The following AGAP1 variants were observed in gnomAD, a reference collection of about 807,000 sequenced individuals.
The protein encoded by AGAP1 is ArfGAP with GTPase domain, ankyrin repeat and PH domain 1.
In AGAP1, 29 loss-of-function variants were observed where a neutral mutation model predicts 105.3. The ratio of observed to expected loss-of-function variants is 0.28; its 90% CI spans 0.21 to 0.38. The LOEUF is 0.38. Ranked by LOEUF, AGAP1 falls within the 10% of genes least tolerant of loss-of-function variation. AGAP1 has a pLI of 1.00. For missense variants in AGAP1, 998 were observed against 1,165.1 expected, an observed-to-expected ratio of 0.86 and a Z score of 2.09; for synonymous variants, 509 against 485.9, an observed-to-expected ratio of 1.05 and a Z score of -0.63.
intron 1 of AGAP1, among the ~76,000 whole-genome samples, chr2:235,575,547 A>G (rs1043153166): frequency 6.6e-6 from 1 of 152,004 alleles, no homozygotes; most frequent in Admixed American, 6.5e-5. Context: ...ATCTTCAGAT[A>G]CCCGTTTGTC....
rs1268016488 is a variant in AGAP1 at position 236,095,077 on chromosome 2, TG to T, written c.2115-25114del. Among the ~76,000 whole-genome samples the T allele has an allele frequency of 6.7e-6, 1 of 150,058 alleles. No individual in the cohort carries two copies. Among genetic ancestry groups the T allele is most frequent in the Non-Finnish European group, 1.5e-5 (1 of 67,742 alleles). ...TCAAGCCATTGTACTTTAGCCTTGG[TG>T]AGAGTGAGACACTGTCTCAAAAAAG... On this transcript the variant is annotated intron_variant, in intron 16 of 17. Transcript: ENST00000304032. The surrounding 1 kb of genome is among the most constrained non-coding windows in gnomAD (Gnocchi z 4.1).
At chr2:235,536,544 C>CACACACACACAG (rs1308076113) in intron 1 of AGAP1, among the ~76,000 whole-genome samples, 73 of 147,516 alleles carry the variant, frequency 4.9e-4, no homozygotes, top group African/African-American at 1.8e-3. Flanking sequence ...CATACACATA[C>CACACACACACAG]AGCAGGACCC....
chr2:235,643,782 A>T (rs550354096), intron 1 of AGAP1, among the ~76,000 whole-genome samples: 2 of 152,232 alleles, frequency 1.3e-5, no homozygotes, highest in South Asian at 4.2e-4. Context: ...CACTGTTGAA[A>T]CATAGCTTAG....
At chr2:236,108,274 A>G (rs969741443) in intron 16 of AGAP1, among the ~76,000 whole-genome samples, 9 of 152,168 alleles carry the variant, frequency 5.9e-5, no homozygotes, top group Admixed American at 5.9e-4. Context: ...GTATTGTTCC[A>G]GCCCCCTCTT....
intron 9 of AGAP1, among the ~76,000 whole-genome samples, chr2:235,812,457 C>T (rs1027023436): frequency 3.3e-5 from 5 of 152,168 alleles, no homozygotes; most frequent in African/African-American, 7.2e-5. Context: ...TCCAGCCTGC[C>T]GCAGGCCACC....
intron 13 of AGAP1, among the ~76,000 whole-genome samples, chr2:236,029,537 C>T (rs1309514926): frequency 2.6e-5 from 4 of 151,970 alleles, no homozygotes; most frequent in East Asian, 1.9e-4. Context: ...CCACCTGCCT[C>T]GGCCTCCCAA....
At chr2:235,726,616 C>A (rs904029803) in intron 3 of AGAP1, among the ~76,000 whole-genome samples, 1 of 152,172 alleles carries the variant, frequency 6.6e-6, no homozygotes. Flanking sequence ...GCCTTGATCA[C>A]GCCATCTCTC....
chr2:235,966,376 C>G (rs867023676), intron 12 of AGAP1, among the ~76,000 whole-genome samples: 51 of 151,910 alleles, frequency 3.4e-4, no homozygotes, highest in African/African-American at 1.2e-3. Flanking sequence ...GGCGAGAAGG[C>G]CAGTAGAGGA....
At chr2:235,657,462 T>A (rs1182367738) in intron 1 of AGAP1, among the ~76,000 whole-genome samples, 1 of 152,158 alleles carries the variant, frequency 6.6e-6, no homozygotes, top group African/African-American at 2.4e-5. Flanking sequence ...CACTGCAACC[T>A]CTGCCTCTCG....
intron 16 of AGAP1, among the ~76,000 whole-genome samples, chr2:236,066,138 G>A (rs748234736): frequency 2.6e-5 from 4 of 152,218 alleles, no homozygotes; most frequent in Non-Finnish European, 5.9e-5. Context: ...GTGCAAATCC[G>A]TTTACTGACA....
chr2:235,568,697 T>C (rs1205490382), intron 1 of AGAP1, among the ~76,000 whole-genome samples: 2 of 152,198 alleles, frequency 1.3e-5, no homozygotes, highest in African/African-American at 4.8e-5. Flanking sequence ...CACACGTCAT[T>C]CTCTTTGAGG....
intron 9 of AGAP1, among the ~76,000 whole-genome samples, chr2:235,862,171 C>T (rs13391146): frequency 0.26 from 40,206 of 152,086 alleles, 5,713 homozygotes; most frequent in East Asian, 0.39. Context: ...ATCCATGGCT[C>T]CGTGCACGTG....
rs528833456 is a variant in AGAP1 at position 236,045,728 on chromosome 2, C to T, written c.1892-3331C>T. Among the ~76,000 whole-genome samples the T allele has an allele frequency of 2.0e-5, 3 of 152,332 alleles. No individual in the cohort carries two copies. The highest frequency in any genetic ancestry group is 1.9e-4 in the East Asian group (1 of 5,174). Reference sequence around the variant, plus strand: ...GTTCTCCACCCAGGCCGAGACACAGCGAAGTGTCCCAGTTGGGCCTTAAGG... The same window carrying T: ...GTTCTCCACCCAGGCCGAGACACAGTGAAGTGTCCCAGTTGGGCCTTAAGG... On this transcript the variant is annotated intron_variant, in intron 15 of 17. Transcript: ENST00000304032. The surrounding 1 kb of genome is among the most constrained non-coding windows in gnomAD (Gnocchi z 6.9).
At position 235,926,805 on chromosome 2, in the gene AGAP1, G is replaced by A. The variant is rs369644724; in HGVS notation, c.1325-3960G>A. On this transcript the variant is annotated intron_variant, in intron 11 of 17. Transcript: ENST00000304032. Reference sequence around the variant, plus strand: ...AGTGCAGTGGGGTGTGGGGAGGCAGGTGTGAGCCTGGGCAACCCCGGAACC... The same window carrying A: ...AGTGCAGTGGGGTGTGGGGAGGCAGATGTGAGCCTGGGCAACCCCGGAACC... Among the ~76,000 whole-genome samples the A allele has an allele frequency of 3.3e-4, 50 of 152,294 alleles. 1 individual carries two copies. The East Asian group carries it at 6.4e-3, about 19-fold the overall frequency.
chr2:235,570,739 G>A (rs1347446848), intron 1 of AGAP1, among the ~76,000 whole-genome samples: 1 of 152,156 alleles, frequency 6.6e-6, no homozygotes, highest in South Asian at 2.1e-4. Context: ...CTTGAGCCTC[G>A]GTTTCTTCCT....
At chr2:235,521,360 C>T (rs1337049366) in intron 1 of AGAP1, among the ~76,000 whole-genome samples, 1 of 152,164 alleles carries the variant, frequency 6.6e-6, no homozygotes, top group African/African-American at 2.4e-5. Flanking sequence ...GAACCAATGT[C>T]ACATCATCAA....
intron 9 of AGAP1, among the ~76,000 whole-genome samples, chr2:235,838,010 C>G (rs932918574): frequency 1.3e-4 from 20 of 152,168 alleles, no homozygotes; most frequent in South Asian, 1.0e-3. Flanking sequence ...TGGTGAAACC[C>G]CATCTTTACT....
intron 1 of AGAP1, among the ~76,000 whole-genome samples, chr2:235,598,655 T>C (rs567422319): frequency 6.6e-6 from 1 of 152,282 alleles, no homozygotes; most frequent in South Asian, 2.1e-4. Context: ...TGCAAAGATA[T>C]GAAAAGGAGC....
At chr2:235,870,627 GAA>G (rs559200016) in intron 9 of AGAP1, among the ~76,000 whole-genome samples, 4 of 140,702 alleles carry the variant, frequency 2.8e-5, no homozygotes, top group Admixed American at 7.1e-5. Context: ...ACTCCATCTG[GAA>G]AAAAAAAAAA....
Sources: allele counts gnomAD v4.1 joint callset (sites outside exome capture counted in the v4.1 genomes callset), GRCh38; gene constraint gnomAD v4.1.1; non-coding constraint Gnocchi (gnomAD v3.1); transcripts MANE v1.5; gene names NCBI Gene and HGNC (gene_info 2026-07-23, HGNC 2026-07-21).